The following DUOX2 variants were observed in gnomAD, a reference collection of about 807,000 sequenced individuals.
DUOX2 encodes the protein NADH/NADPH thyroid oxidase p138-tox.
DUOX2 carries 185 observed loss-of-function variants against 183.3 expected under a neutral mutation model. The observed-to-expected ratio is 1.01, with a 90% confidence interval of 0.90 to 1.14. The LOEUF is 1.14. Among genes scored for constraint, DUOX2 ranks in the 50% most tolerant of loss-of-function variants. The pLI is 0.00. For missense variants in DUOX2, 1,999 were observed against 2,022.9 expected (o/e 0.99, Z 0.23); for synonymous variants, 788 against 812.4 (o/e 0.97, Z 0.51).
At position 45,100,144 on chromosome 15, in the gene DUOX2, C is replaced by T. The variant is rs764339347; in HGVS notation, c.3090G>A (p.Gln1030=). ...QRGFLAQKLQ[Q]YKRFVENYRR... is the part of the protein sequence containing the mutation. The stretch of plus-strand genomic sequence containing the variant: ...GGTAGTTCTCCACGAAGCGCTTGTA[C>T]TGCTGCAGCTTTTGGGCTAGGAAGC... The change falls in exon 24 of 34, where the codon CAG becomes CAA. Residue 1030 remains glutamine, a synonymous_variant. Transcript: ENST00000389039. The T allele has an allele frequency of 1.2e-6, 2 of 1,614,230 alleles. No homozygotes were observed. Among genetic ancestry groups the T allele is most frequent in the South Asian group, 2.2e-5 (2 of 91,084 alleles).
Position 45,111,493 on chromosome 15 carries a change from C to G in DUOX2, c.606G>C (p.Gln202His), listed in dbSNP as rs1170092768. The G allele has an allele frequency of 6.4e-7, 1 of 1,551,716 alleles. No homozygotes were observed. Residue 202 changes from glutamine to histidine, a missense_variant, in exon 6 of 34, where the codon CAG becomes CAC. By Grantham distance (24) the Gln-to-His change is conservative. Transcript: ENST00000389039. ...AAGCGGGGTCGGGCCCCGACGCCAG[C>G]TGTCCCCCCGAGAAGCTCCGCAGCG... ...SDALRSFSGGQLASGPDPAFP... is the reference protein window; with the variant it reads ...SDALRSFSGGHLASGPDPAFP...
Position 45,107,034 on chromosome 15 carries a change from C to G in DUOX2, c.1694-65G>C, listed in dbSNP as rs897784525. On this transcript the variant is annotated intron_variant, in intron 14 of 33. Coordinates refer to ENST00000389039, the MANE Select transcript of DUOX2 (RefSeq NM_001363711.2). The stretch of plus-strand genomic sequence containing the variant: ...CCCGCTATGTGGCCAGACCTCTTTC[C>G]CCTCTATCCTATAAAGGACCAAGGT... The G allele has an allele frequency of 3.2e-6, 5 of 1,550,980 alleles. No homozygotes were observed. In the African/African-American group the frequency reaches 4.1e-5, roughly 13 times the overall value.
intron 18 of DUOX2, among the ~76,000 whole-genome samples, chr15:45,104,719 C>T (rs1894170936): frequency 6.6e-6 from 1 of 152,316 alleles, no homozygotes; most frequent in Middle Eastern, 3.4e-3. Context: ...CAGGAAGGGG[C>T]TGGGGCTGTG....
In DUOX2 at chr15:45,109,353, CA is replaced by C. The variant is rs11362140; in HGVS notation, c.1234+170del. The C allele has an allele frequency of 0.31, 157,667 of 510,590 alleles. 2,150 individuals carry two copies. Among genetic ancestry groups the C allele is most frequent in the African/African-American group, 0.36 (16,974 of 46,710 alleles). The allele number at this position is 510,590 out of a possible 1,614,324, so 31.6% of individuals were successfully genotyped here. ...AAGCAACACAAAAGTGTAAATTAAG[CA>C]AAAAAAAAAAAAAAGTTCAAAGTTC... On this transcript the variant is annotated intron_variant, in intron 11 of 33. Coordinates refer to ENST00000389039, the MANE Select transcript of DUOX2 (RefSeq NM_001363711.2).
Position 45,114,164 on chromosome 15 carries a change from C to A in DUOX2, c.-206G>T, listed in dbSNP as rs936425939. 7 of 310,638 alleles carry A rather than the reference C, an allele frequency of 2.3e-5. No individual in the cohort carries two copies. The East Asian group carries it at 5.9e-4, about 26-fold the overall frequency. 19.2% of individuals were successfully genotyped at this position (310,638 alleles called of 1,614,324 possible). ...CAGGTGTCGGCTCAGGACAGACCTGCGCCAGTGTGAGCATCTGGACCTAGG... is the reference window on the plus strand; with the variant it reads ...CAGGTGTCGGCTCAGGACAGACCTGAGCCAGTGTGAGCATCTGGACCTAGG... On this transcript the variant is annotated 5_prime_UTR_variant, in exon 1 of 34. Coordinates refer to ENST00000389039, the MANE Select transcript of DUOX2 (RefSeq NM_001363711.2).
chr15:45,105,898 G>T, intron 17 of DUOX2, 70 bp from the exon 18 acceptor site: 1 of 1,588,446 alleles, frequency 6.3e-7, no homozygotes, highest in Non-Finnish European at 8.6e-7. Flanking sequence ...CCCCTCAATG[G>T]ATCTTGGGTT....
rs774578957 is a variant in DUOX2, at chr15:45,112,704, G to A, written c.175C>T (p.Arg59Cys). 6.2e-7 allele frequency: 1 copy of A among 1,611,800 alleles called. No individual in the cohort carries two copies. The change falls in exon 4 of 34, where the codon CGC becomes TGC. Residue 59 changes from arginine to cysteine, a missense_variant. This residue lies in a region of DUOX2 where 356 missense variants were observed against 356.4 expected (regional missense o/e 1.00). Coordinates refer to ENST00000389039, the MANE Select transcript of DUOX2 (RefSeq NM_001363711.2). ...TCGGCGTAATTGGCTGGTACGCGGC[G>A]CTGCAACCGGCAGCCTGCGGAGGCA... The part of the protein sequence containing the change: ...ERGAVGCRLQ[R>C]RVPANYADGV...
chr15:45,105,533 TC>T, intron 18 of DUOX2, 109 bp downstream of exon 18: 1 of 1,368,392 alleles, frequency 7.3e-7, no homozygotes, highest in Non-Finnish European at 1.0e-6. Flanking sequence ...GCTATTTCTC[TC>T]CAGGCCATAG....
intron 22 of DUOX2, 112 bp downstream of exon 22, chr15:45,101,086 GCTACTTT>G (rs1040899986): frequency 3.3e-6 from 3 of 916,166 alleles, no homozygotes; most frequent in African/African-American, 1.6e-5. Flanking sequence ...GCTACCATGA[GCTACTTT>G]CAAAGGGCAA....
At chr15:45,094,505 C>A in intron 33 of DUOX2, 58 bp downstream of exon 33, 2 of 1,573,512 alleles carry the variant, frequency 1.3e-6, no homozygotes, top group Non-Finnish European at 1.7e-6. Context: ...TGCTTCAGGG[C>A]CAGGATGTCC....
At position 45,107,418 on chromosome 15, in the gene DUOX2, C is replaced by A. The variant is rs1275411221; in HGVS notation, c.1620G>T (p.Leu540=). The part of the protein sequence containing the change: ...KEIEDIRNTT[L]RDVLVAVINI... The stretch of plus-strand genomic sequence containing the variant: ...TGATAACAGCGACCAGCACGTCCCG[C>A]AGGGTGGTATTTCGGATGTCTTCAA... Residue 540 remains leucine, a synonymous_variant, in exon 14 of 34, where the codon CTG becomes CTT. Transcript: ENST00000389039. The A allele has an allele frequency of 6.2e-7, 1 of 1,614,230 alleles. No individual in the cohort carries two copies. Among genetic ancestry groups the A allele is most frequent in the East Asian group, 2.2e-5 (1 of 44,878 alleles).
rs780007826 is a variant in DUOX2 at position 45,105,766 on chromosome 15, G to C, written c.2211C>G (p.Cys737Trp). 1 of 1,614,206 alleles carries C rather than the reference G, an allele frequency of 6.2e-7. No individual in the cohort carries two copies. Among genetic ancestry groups the C allele is most frequent in the East Asian group, 2.2e-5 (1 of 44,880 alleles). ...CATGGAGGCCCAGAGCCCAGCGCAC[G>C]CAGAAGTCCCATAGCTGCTGCACAA... ...GAFVQQLWDF[C>W]VRWALGLHVA... Residue 737 changes from cysteine to tryptophan, a missense_variant, in exon 18 of 34, where the codon TGC (cysteine) becomes TGG (tryptophan). Cys to Trp is a radical substitution (Grantham distance 215). This residue lies in a region of DUOX2 where 1,628 missense variants were observed against 1,608.6 expected (regional missense o/e 1.01). Transcript: ENST00000389039.
chr15:45,096,234 T>A (rs1033074193), intron 29 of DUOX2, among the ~76,000 whole-genome samples, 174 bp from the exon 30 acceptor site: 4 of 152,062 alleles, frequency 2.6e-5, no homozygotes, highest in Non-Finnish European at 5.9e-5. Context: ...GTTTCCCAGG[T>A]AATGCAAGAG....
Position 45,110,439 on chromosome 15 carries a change from A to G in DUOX2, c.1029T>C (p.Gly343=), listed in dbSNP as rs1894349477. 5.0e-6 allele frequency: 8 copies of G among 1,613,886 alleles called. No individual in the cohort carries two copies. The highest frequency in any genetic ancestry group is 2.2e-5 in the East Asian group (1 of 44,874). The change falls in exon 9 of 34, where the codon GGT becomes GGC. Residue 343 remains glycine (G), a synonymous_variant. Transcript: ENST00000389039. ...EQFFSTMVPP[G]VYMRNASCHF... ...AACCCCTCCCTCACCTCATGTAGAC[A>G]CCAGGGGGCACCATGGTAGAGAAGA...
intron 26 of DUOX2, 69 bp from the exon 27 acceptor site, chr15:45,098,127 A>AGGAAAGGAGTCATGCTGTGT: frequency 6.9e-7 from 1 of 1,456,912 alleles, no homozygotes; most frequent in Non-Finnish European, 9.6e-7. Flanking sequence ...ACAACACAGC[A>AGGAAAGGAGTCATGCTGTGT]TGACTCCTTT....
At chr15:45,095,211 G>C in intron 31 of DUOX2, 120 bp from the exon 32 acceptor site, 1 of 1,452,882 alleles carries the variant, frequency 6.9e-7, no homozygotes, top group Non-Finnish European at 9.3e-7. Context: ...GCTGTGGCAG[G>C]ACCCACCAGC....
rs1206631762 is a variant in DUOX2, at chr15:45,111,903, G to C, written c.378C>G (p.Ala126=). 2 of 1,613,732 alleles carry C rather than the reference G, an allele frequency of 1.2e-6. No homozygotes were observed. Among genetic ancestry groups the C allele is most frequent in the Non-Finnish European group, 1.7e-6 (2 of 1,180,002 alleles). Residue 126 remains alanine, a synonymous_variant, in exon 5 of 34, where the codon GCC becomes GCG. Coordinates refer to ENST00000389039, the MANE Select transcript of DUOX2 (RefSeq NM_001363711.2). ...VVSVETPGCP[A]EFLNIRIPPG... is the part of the protein sequence containing the mutation. ...GTGGGATGCGGATGTTGAGGAACTC[G>C]GCGGGGCAACCGGGCGTTTCCACGC...
rs1893834827 is a variant in DUOX2 at position 45,094,183 on chromosome 15, T to G, written c.4614A>C (p.Arg1538=). The G allele has an allele frequency of 6.2e-7, 1 of 1,614,032 alleles. No individual in the cohort carries two copies. Among genetic ancestry groups the G allele is most frequent in the Non-Finnish European group, 8.5e-7 (1 of 1,180,036 alleles). ...TCTCATAGTGGTGCATGAAGTGGGC[T>G]CGGTCCTGCCTGTTGACGAGCTGAC... ...KACQLVNRQD[R]AHFMHHYENF is the part of the protein sequence containing the mutation. The change falls in exon 34 of 34, where the codon CGA becomes CGC. Residue 1538 remains arginine (R), a synonymous_variant. Coordinates refer to ENST00000389039, the MANE Select transcript of DUOX2 (RefSeq NM_001363711.2).
rs781680371 is a variant in DUOX2, at chr15:45,111,935, C to T, written c.346G>A (p.Val116Met). ...VFFGYHVLSD[V>M]VSVETPGCPA... is the part of the protein sequence containing the mutation. ...CAACCGGGCGTTTCCACGCTCACCA[C>T]GTCGGAAAGAACATGGTAGCCTGCG... The change falls in exon 5 of 34, where the codon GTG (valine) becomes ATG (methionine). Residue 116 changes from valine (V) to methionine (M), a missense_variant. Transcript: ENST00000389039. The T allele has an allele frequency of 3.7e-6, 6 of 1,613,710 alleles. No individual in the cohort carries two copies. Among genetic ancestry groups the T allele is most frequent in the East Asian group, 2.2e-5 (1 of 44,870 alleles).
Sources: allele counts gnomAD v4.1 joint callset (sites outside exome capture counted in the v4.1 genomes callset), GRCh38; gene constraint gnomAD v4.1.1; regional missense constraint gnomAD v4.1.1; transcripts MANE v1.5; gene names NCBI Gene and HGNC (gene_info 2026-07-23, HGNC 2026-07-21).